COL9A1: variants seen among roughly 807,000 people sequenced by gnomAD.
COL9A1 encodes collagen type IX alpha 1 chain.
A neutral mutation model predicts 142.6 loss-of-function variants in COL9A1; 104 were observed. That is an observed-to-expected ratio of 0.73 (90% CI 0.62 to 0.86). COL9A1 has a LOEUF of 0.86. COL9A1 is among the 40% of genes least tolerant of loss of function. COL9A1 has a pLI of 0.00. For synonymous variants in COL9A1, 466 were observed against 396.0 expected (o/e 1.18, Z -2.10); for missense variants, 1,210 against 1,176.6 (o/e 1.03, Z -0.42).
rs1206093741 is a variant in COL9A1, at chr6:70,234,828, C to T, written c.2225G>A (p.Gly742Asp). ...CTGGACACCAGGCAGGCCGGTGGCACCCTGTTCTCCCTGCACACCCCGGGG... is the reference window on the plus strand; with the variant it reads ...CTGGACACCAGGCAGGCCGGTGGCATCCTGTTCTCCCTGCACACCCCGGGG... ...PGPRGVQGEQ[G>D]ATGLPGVQGP... is the part of the protein sequence containing the mutation. The change falls in exon 34 of 38, where the codon GGT (glycine) becomes GAT (aspartate). Residue 742 changes from glycine (G) to aspartate (D), a missense_variant. Coordinates refer to ENST00000357250, the MANE Select transcript of COL9A1 (RefSeq NM_001851.6). The T allele has an allele frequency of 5.6e-6, 9 of 1,614,036 alleles. No homozygotes were observed. Among genetic ancestry groups the T allele is most frequent in the Non-Finnish European group, 7.6e-6 (9 of 1,179,946 alleles).
At chr6:70,283,051 A>G in intron 6 of COL9A1, 133 bp from the exon 7 acceptor site, 12 of 1,566,274 alleles carry the variant, frequency 7.7e-6, no homozygotes, top group Non-Finnish European at 9.5e-6. Flanking sequence ...AGTCCAGGCC[A>G]TGCCCGCCGC....
intron 28 of COL9A1, among the ~76,000 whole-genome samples, chr6:70,244,090 A>G (rs1770439507): frequency 6.6e-6 from 1 of 152,252 alleles, no homozygotes. Flanking sequence ...GAATTTCTCT[A>G]AAGGATTAAG....
At chr6:70,267,319 G>GTTTTTTT (rs1050364230) in intron 17 of COL9A1, among the ~76,000 whole-genome samples, 23 of 99,690 alleles carry the variant, frequency 2.3e-4, no homozygotes, top group South Asian at 2.9e-4. Flanking sequence ...TGTTTGTTTG[G>GTTTTTTT]TTTTTTTGTT....
intron 4 of COL9A1, among the ~76,000 whole-genome samples, 169 bp from the exon 5 acceptor site, chr6:70,294,732 A>T (rs1307480602): frequency 1.3e-5 from 2 of 152,208 alleles, no homozygotes; most frequent in Non-Finnish European, 2.9e-5. Context: ...ACCTTTACAG[A>T]AGTTCAATCA....
At chr6:70,265,403 T>C (rs1021305825) in intron 18 of COL9A1, among the ~76,000 whole-genome samples, 2 of 151,140 alleles carry the variant, frequency 1.3e-5, no homozygotes, top group Admixed American at 6.6e-5. Context: ...TATCTTTTGA[T>C]GTAATTTAAT....
chr6:70,260,812 A>G (rs1771632208), intron 19 of COL9A1, 102 bp from the exon 20 acceptor site: 1 of 1,050,510 alleles, frequency 9.5e-7, no homozygotes, highest in Non-Finnish European at 1.4e-6. Flanking sequence ...TATCATAACC[A>G]AAGGTAATAC....
chr6:70,238,504 T>C (rs1001031006), intron 33 of COL9A1, among the ~76,000 whole-genome samples: 4 of 152,228 alleles, frequency 2.6e-5, no homozygotes, highest in African/African-American at 9.6e-5. Context: ...TTATGCATTA[T>C]TCCTCTATCT....
chr6:70,254,815 T>C, intron 24 of COL9A1, 148 bp downstream of exon 24: 2 of 799,460 alleles, frequency 2.5e-6, no homozygotes, highest in Non-Finnish European at 4.3e-6. Flanking sequence ...GTATTTCATA[T>C]TTGACACTTG....
chr6:70,263,895 C>G (rs1771854101), intron 18 of COL9A1, among the ~76,000 whole-genome samples: 1 of 151,910 alleles, frequency 6.6e-6, no homozygotes, highest in African/African-American at 2.4e-5. Context: ...TATTTTTGCT[C>G]TATTTCTTCT....
At chr6:70,260,403 C>G (rs566565559) in intron 20 of COL9A1, among the ~76,000 whole-genome samples, 1 of 151,852 alleles carries the variant, frequency 6.6e-6, no homozygotes, top group Non-Finnish European at 1.5e-5. Context: ...ATTAGCCGGG[C>G]GTGGTGGCAG....
intron 6 of COL9A1, chr6:70,283,266 G>T: frequency 1.4e-6 from 2 of 1,428,204 alleles, no homozygotes; most frequent in Non-Finnish European, 1.8e-6. Context: ...GAGAGCTAGG[G>T]GGCAGGGGAG....
rs1773129597 is a variant in COL9A1, at chr6:70,281,059, AG to A, written c.877-21del. 3.1e-6 allele frequency: 5 copies of A among 1,602,560 alleles called. No individual in the cohort carries two copies. The South Asian group carries it at 5.6e-5, about 18-fold the overall frequency. On this transcript the variant is annotated intron_variant, in intron 8 of 37. Transcript: ENST00000357250. ...GTCACCCTGGAGGGGTAGGAGAAAA[AG>A]AGAGAGCAGTCTATGAGCGGGATAG...
At position 70,280,855 on chromosome 6, in the gene COL9A1, C is replaced by T. The variant is rs1773110155; in HGVS notation, c.932G>A (p.Gly311Glu). Reference protein sequence around the residue: ...PGPPGPAGEPGKPGAPGKPGT... With the variant: ...PGPPGPAGEPEKPGAPGKPGT... ...AGGCTTGCCTGGAGCTCCTGGCTTT[C>T]CCGGTTCACCTGCAGGACCCTGAGC... The change falls in exon 10 of 38, where the codon GGA becomes GAA. Residue 311 changes from glycine (G) to glutamate (E), a missense_variant. Transcript: ENST00000357250. The T allele has an allele frequency of 3.1e-6, 5 of 1,613,424 alleles. No individual in the cohort carries two copies. In the East Asian group the frequency reaches 8.9e-5, roughly 29 times the overall value.
At chr6:70,219,329 G>C (rs1389582221) in intron 37 of COL9A1, among the ~76,000 whole-genome samples, 1 of 152,136 alleles carries the variant, frequency 6.6e-6, no homozygotes, top group Non-Finnish European at 1.5e-5. Context: ...TGAGATCAGG[G>C]GTGGGCAAAC....
chr6:70,218,750 C>T (rs917791436), intron 37 of COL9A1, among the ~76,000 whole-genome samples: 1 of 111,046 alleles, frequency 9.0e-6, no homozygotes, highest in Non-Finnish European at 1.9e-5. Context: ...ATATATCTCA[C>T]ATATTTTTAG....
intron 25 of COL9A1, 105 bp downstream of exon 25, chr6:70,254,371 A>G: frequency 3.0e-6 from 3 of 984,106 alleles, no homozygotes; most frequent in Admixed American, 2.0e-5. Flanking sequence ...AAAACATCAT[A>G]TCTTCCCCAG....
chr6:70,290,436 G>A (rs1773614528), intron 5 of COL9A1, among the ~76,000 whole-genome samples: 1 of 151,974 alleles, frequency 6.6e-6, no homozygotes, highest in African/African-American at 2.4e-5. Flanking sequence ...AGTGCATTGG[G>A]AAAAAATATA....
rs75168457 is a variant in COL9A1 at position 70,254,303 on chromosome 6, A to C, written c.1719+173T>G. On this transcript the variant is annotated intron_variant, in intron 25 of 37. Transcript: ENST00000357250. ...ATTTACAGTTATTACACAAATAGCT[A>C]TTCAGAGAAAAAGTATAAAATATAA... is the stretch of plus-strand genomic sequence containing the variant. 8.4e-3 allele frequency among the ~76,000 whole-genome samples: 1,280 copies of C among 152,368 alleles called. 15 individuals are homozygous for C. The highest frequency in any genetic ancestry group is 0.011 in the Admixed American group (172 of 15,312).
At position 70,280,516 on chromosome 6, in the gene COL9A1, T is replaced by C. The variant is rs1281583346; in HGVS notation, c.975+296A>G. 2.9e-6 allele frequency: 4 copies of C among 1,358,600 alleles called. No homozygotes were observed. The African/African-American group carries it at 4.4e-5, about 15-fold the overall frequency. The allele number at this position is 1,358,600 out of a possible 1,614,324, so 84.2% of individuals were successfully genotyped here. ...CCTCTGGCCCCAGTGGGGCTGAGAG[T>C]TCACAGCGTGCACTGTGAGGTCACG... On this transcript the variant is annotated intron_variant, in intron 10 of 37. Coordinates refer to ENST00000357250, the MANE Select transcript of COL9A1 (RefSeq NM_001851.6).
Sources: gnomAD v4.1 joint callset for allele counts (sites outside exome capture counted in the v4.1 genomes callset) on GRCh38, gnomAD v4.1.1 for gene constraint, MANE v1.5 for transcripts, NCBI Gene and HGNC (gene_info 2026-07-23, HGNC 2026-07-21) for gene names.